The following METAP1 variants were observed in gnomAD, a reference collection of about 807,000 sequenced individuals.
METAP1 encodes the protein methionine aminopeptidase 1.
Under a neutral mutation model 53.8 loss-of-function variants are expected in METAP1, and 28 were observed. The observed-to-expected ratio is 0.52, with a 90% CI of 0.39 to 0.71. The LOEUF is 0.71. METAP1 is among the 30% of genes least tolerant of loss of function. The pLI is 0.00. For missense variants in METAP1, 389 were observed against 479.8 expected (o/e 0.81, Z 1.77); for synonymous variants, 181 against 165.7 (o/e 1.09, Z -0.71).
chr4:99,031,099 T>A (rs1265623525), intron 2 of METAP1, among the ~76,000 whole-genome samples: 2 of 130,002 alleles, frequency 1.5e-5, no homozygotes, highest in Non-Finnish European at 3.2e-5. Flanking sequence ...GACTCAAAGG[T>A]AGTTTTTTTT....
chr4:99,026,306 T>C (rs1724553083), intron 1 of METAP1: 1 of 985,022 alleles, frequency 1.0e-6, no homozygotes, highest in African/African-American at 1.7e-5. Context: ...GCTTTGGTGT[T>C]ATTAAATAAG....
intron 9 of METAP1, among the ~76,000 whole-genome samples, chr4:99,056,720 C>T (rs1404238051): frequency 6.6e-6 from 1 of 152,052 alleles, no homozygotes; most frequent in Non-Finnish European, 1.5e-5. Context: ...CAGGCCCCCG[C>T]CACCACGCCC....
At chr4:99,043,439 T>G in intron 7 of METAP1, 52 bp downstream of exon 7, 1 of 1,528,968 alleles carries the variant, frequency 6.5e-7, no homozygotes, top group Non-Finnish European at 8.8e-7. Flanking sequence ...CAACAAAGCT[T>G]GGGGAATCTG....
At position 99,056,762 on chromosome 4, in the gene METAP1, G is replaced by A. The variant is rs183531424; in HGVS notation, c.932-991G>A. On this transcript the variant is annotated intron_variant, in intron 9 of 10. Coordinates refer to ENST00000296411, the MANE Select transcript of METAP1 (RefSeq NM_015143.3). ...TTTTTTGTATTTTTAGTAGAGACAG[G>A]GTTTCACCATGTTGGCCAGGATGGT... 7.3e-4 allele frequency among the ~76,000 whole-genome samples: 111 copies of A among 152,158 alleles called. 1 individual carries two copies. Among genetic ancestry groups the A allele is most frequent in the Non-Finnish European group, 1.2e-3 (83 of 67,984 alleles).
chr4:99,019,280 C>T (rs1357174837), intron 1 of METAP1, among the ~76,000 whole-genome samples: 2 of 152,056 alleles, frequency 1.3e-5, no homozygotes, highest in Non-Finnish European at 2.9e-5. Context: ...ATGGTTTGGT[C>T]CCACCTCCAA....
At chr4:99,026,226 G>C (rs1724548238) in intron 1 of METAP1, 1 of 985,000 alleles carries the variant, frequency 1.0e-6, no homozygotes, top group Non-Finnish European at 1.2e-6. Flanking sequence ...GTAAATTCCT[G>C]TTGGTGCTAA....
chr4:98,998,557 CA>C (rs1386908752), intron 1 of METAP1, among the ~76,000 whole-genome samples: 1 of 152,010 alleles, frequency 6.6e-6, no homozygotes, highest in East Asian at 1.9e-4. Context: ...AACAAAAAAC[CA>C]AAAAGAAGAA....
intron 1 of METAP1, chr4:99,026,522 A>G: frequency 1.0e-6 from 1 of 984,892 alleles, no homozygotes; most frequent in South Asian, 4.7e-5. Context: ...TACAAAGGGA[A>G]GAGATTGGGA....
chr4:99,004,551 C>A (rs1286760077), intron 1 of METAP1, among the ~76,000 whole-genome samples: 1 of 151,190 alleles, frequency 6.6e-6, no homozygotes, highest in Non-Finnish European at 1.5e-5. Flanking sequence ...TCTAAAGAAG[C>A]ATGATACAGT....
chr4:99,026,232 G>A, intron 1 of METAP1: 3 of 985,104 alleles, frequency 3.0e-6, no homozygotes, highest in Non-Finnish European at 3.6e-6. Flanking sequence ...TCCTGTTGGT[G>A]CTAAAGAAAA....
chr4:99,025,284 C>A, intron 1 of METAP1: 1 of 785,574 alleles, frequency 1.3e-6, no homozygotes, highest in Non-Finnish European at 1.5e-6. Flanking sequence ...ACAAGGACAG[C>A]TTGGAGGTTA....
At chr4:99,009,108 A>G (rs951731856) in intron 1 of METAP1, among the ~76,000 whole-genome samples, 3 of 152,222 alleles carry the variant, frequency 2.0e-5, no homozygotes, top group African/African-American at 4.8e-5. Flanking sequence ...TAGACATTTC[A>G]TATAAGTCAG....
intron 1 of METAP1, among the ~76,000 whole-genome samples, chr4:99,011,231 G>T (rs1723451158): frequency 6.6e-6 from 1 of 152,184 alleles, no homozygotes; most frequent in East Asian, 1.9e-4. Flanking sequence ...TCTTTATCTT[G>T]TTCCTGGACT....
rs1388329568 is a variant in METAP1 at position 98,995,828 on chromosome 4, C to T, written c.75C>T (p.Cys25=). The change falls in exon 1 of 11, where the codon TGC becomes TGT. Residue 25 remains cysteine (C), a synonymous_variant. Transcript: ENST00000296411. ...SSEAKLQCPT[C]IKLGIQGSYF... Reference sequence around the variant, plus strand: ...AGGCCAAGCTCCAGTGTCCCACTTGCATCAAGCTGGGCATCCAGGGCTCGT... The same window carrying T: ...AGGCCAAGCTCCAGTGTCCCACTTGTATCAAGCTGGGCATCCAGGGCTCGT... 6.5e-7 allele frequency: 1 copy of T among 1,543,890 alleles called. No homozygotes were observed. The highest frequency in any genetic ancestry group is 8.7e-7 in the Non-Finnish European group (1 of 1,143,346).
intron 1 of METAP1, chr4:99,022,205 G>T: frequency 7.8e-6 from 3 of 384,486 alleles, no homozygotes; most frequent in South Asian, 1.4e-4. Flanking sequence ...AGAGACACTG[G>T]TCTAGAAACA....
intron 1 of METAP1, among the ~76,000 whole-genome samples, chr4:98,996,832 T>C (rs1021377318): frequency 1.3e-5 from 2 of 152,202 alleles, no homozygotes; most frequent in Non-Finnish European, 2.9e-5. Context: ...GGCACATGAA[T>C]ATTCAAATAT....
intron 4 of METAP1, chr4:99,036,033 A>C (rs1032170961): frequency 6.5e-6 from 1 of 154,352 alleles, no homozygotes; most frequent in Non-Finnish European, 1.5e-5. Flanking sequence ...TGTCTTCTCC[A>C]TTTTTATAGA....
chr4:99,002,528 T>G (rs1314044267), intron 1 of METAP1, among the ~76,000 whole-genome samples: 1 of 151,008 alleles, frequency 6.6e-6, no homozygotes, highest in Non-Finnish European at 1.5e-5. Context: ...GTCTTGTCTC[T>G]GGGTTTGAAT....
At chr4:99,054,865 T>A (rs577091978) in intron 9 of METAP1, among the ~76,000 whole-genome samples, 1 of 152,098 alleles carries the variant, frequency 6.6e-6, no homozygotes, top group African/African-American at 2.4e-5. Flanking sequence ...TTGTTTGCCG[T>A]CTTTACATGG....
Sources: gnomAD v4.1 joint callset for allele counts (sites outside exome capture counted in the v4.1 genomes callset) on GRCh38, gnomAD v4.1.1 for gene constraint, MANE v1.5 for transcripts, NCBI Gene and HGNC (gene_info 2026-07-23, HGNC 2026-07-21) for gene names.